The following NKAIN2 variants were observed in gnomAD, a reference collection of about 807,000 sequenced individuals.
The protein encoded by NKAIN2 is sodium/potassium transporting ATPase interacting 2.
A neutral mutation model predicts 32.6 loss-of-function variants in NKAIN2; 14 were observed. That is an observed-to-expected ratio of 0.43 (90% CI 0.28 to 0.67). The LOEUF is 0.67. Ranked by LOEUF, NKAIN2 falls within the 30% of genes least tolerant of loss-of-function variation. NKAIN2 has a pLI of 0.17. For synonymous variants in NKAIN2, 80 were observed against 87.2 expected (o/e 0.92, Z 0.46); for missense variants, 198 against 258.3 (o/e 0.77, Z 1.60).
At chr6:123,898,159 C>T (rs1774375222) in intron 1 of NKAIN2, among the ~76,000 whole-genome samples, 3 of 152,110 alleles carry the variant, frequency 2.0e-5, no homozygotes, top group Admixed American at 6.6e-5. Flanking sequence ...AGGCCACTGG[C>T]GGACACTGAT....
intron 3 of NKAIN2, among the ~76,000 whole-genome samples, chr6:124,355,748 TAATGGGCTTTGGTTGAATGAA>T (rs140441285): frequency 0.14 from 21,210 of 152,138 alleles, 1,610 homozygotes; most frequent in African/African-American, 0.2. Flanking sequence ...TTGAAACAGT[TAATGGGCTTTGGTTGAATGAA>T]ATTGTTACTA....
intron 1 of NKAIN2, among the ~76,000 whole-genome samples, chr6:124,136,734 A>G (rs1786811514): frequency 6.6e-6 from 1 of 152,192 alleles, no homozygotes; most frequent in African/African-American, 2.4e-5. Context: ...TACATCACAT[A>G]AACAGAATTA....
intron 3 of NKAIN2, 131 bp from the exon 4 acceptor site, chr6:124,658,055 C>T (rs1390689547): frequency 1.6e-6 from 1 of 644,122 alleles, no homozygotes; most frequent in Non-Finnish European, 2.6e-6. Flanking sequence ...CTGTAAAATA[C>T]AGCATGGGGT....
In NKAIN2 at chr6:124,753,755, A is replaced by C. The variant is rs572605745; in HGVS notation, c.475-37584A>C. On this transcript the variant is annotated intron_variant, in intron 4 of 6. Coordinates refer to ENST00000368417, the MANE Select transcript of NKAIN2 (RefSeq NM_001040214.3). Reference sequence around the variant, plus strand: ...AGTGTGACTTCAGAGGAGAAGCTGGAATTGTTTATTGTTGCCCCAGGGAGG... The same window carrying C: ...AGTGTGACTTCAGAGGAGAAGCTGGCATTGTTTATTGTTGCCCCAGGGAGG... Among the ~76,000 whole-genome samples, 93 of 152,130 alleles carry C rather than the reference A, an allele frequency of 6.1e-4. 1 individual carries two copies. The highest frequency in any genetic ancestry group is 2.2e-3 in the African/African-American group (92 of 41,536).
At chr6:123,842,383 C>T (rs563052017) in intron 1 of NKAIN2, among the ~76,000 whole-genome samples, 28 of 152,180 alleles carry the variant, frequency 1.8e-4, no homozygotes, top group Non-Finnish European at 2.9e-5. Context: ...AGTAAAAGTA[C>T]TCTCATGCCT....
At chr6:124,678,178 G>A (rs1013328683) in intron 4 of NKAIN2, among the ~76,000 whole-genome samples, 1 of 152,002 alleles carries the variant, frequency 6.6e-6, no homozygotes, top group African/African-American at 2.4e-5. Flanking sequence ...ATTATCATGT[G>A]TCTCAATGTG....
chr6:123,807,085 CTG>C (rs1224200883), intron 1 of NKAIN2, among the ~76,000 whole-genome samples: 1 of 151,962 alleles, frequency 6.6e-6, no homozygotes, highest in Non-Finnish European at 1.5e-5. Flanking sequence ...AATTCTATAT[CTG>C]TGCTTTAAAT....
intron 3 of NKAIN2, among the ~76,000 whole-genome samples, chr6:124,475,050 T>G (rs1283347373): frequency 6.6e-6 from 1 of 151,666 alleles, no homozygotes; most frequent in Non-Finnish European, 1.5e-5. Context: ...GGATATAAAG[T>G]AATGCATTGG....
intron 1 of NKAIN2, among the ~76,000 whole-genome samples, chr6:124,083,033 A>G (rs1302922417): frequency 1.3e-5 from 2 of 152,012 alleles, no homozygotes; most frequent in African/African-American, 2.4e-5. Context: ...TAGAAAACAT[A>G]GACTGCTTTT....
intron 1 of NKAIN2, among the ~76,000 whole-genome samples, chr6:124,040,974 A>T (rs1242533967): frequency 6.6e-6 from 1 of 152,020 alleles, no homozygotes; most frequent in Admixed American, 6.6e-5. Flanking sequence ...CTTACACTCT[A>T]TGTTGTACAA....
chr6:124,426,622 G>A (rs946466488), intron 3 of NKAIN2, among the ~76,000 whole-genome samples: 1 of 152,140 alleles, frequency 6.6e-6, no homozygotes, highest in South Asian at 2.1e-4. Context: ...AATGTACATG[G>A]CTAAAATATT....
At chr6:124,767,782 C>T (rs1325784260) in intron 4 of NKAIN2, among the ~76,000 whole-genome samples, 2 of 152,152 alleles carry the variant, frequency 1.3e-5, no homozygotes, top group Non-Finnish European at 2.9e-5. Context: ...TTTAGCTGAT[C>T]CACACTGCAC....
At chr6:124,498,847 C>T (rs959655489) in intron 3 of NKAIN2, among the ~76,000 whole-genome samples, 5 of 152,074 alleles carry the variant, frequency 3.3e-5, no homozygotes, top group Admixed American at 2.6e-4. Context: ...CACTAAAGTT[C>T]TGCTAAAACA....
rs1050781855 is a variant in NKAIN2 at position 124,426,187 on chromosome 6, G to A, written c.273+70840G>A. On this transcript the variant is annotated intron_variant, in intron 3 of 6. Coordinates refer to ENST00000368417, the MANE Select transcript of NKAIN2 (RefSeq NM_001040214.3). ...TAATATGACTTTATATTTCTTCTAC[G>A]GAAAGGTGTAGTCTATGTCCCTACT... is the stretch of plus-strand genomic sequence containing the variant. Among the ~76,000 whole-genome samples the A allele has an allele frequency of 3.9e-5, 6 of 152,062 alleles. No individual in the cohort carries two copies. In the East Asian group the frequency reaches 7.7e-4, roughly 20 times the overall value.
At chr6:124,451,336 A>G (rs1776099586) in intron 3 of NKAIN2, among the ~76,000 whole-genome samples, 1 of 152,148 alleles carries the variant, frequency 6.6e-6, no homozygotes, top group African/African-American at 2.4e-5. Context: ...TCACTAATAT[A>G]TCCACAGGGT....
chr6:124,692,233 C>T (rs773183119), intron 4 of NKAIN2, among the ~76,000 whole-genome samples: 4 of 152,066 alleles, frequency 2.6e-5, no homozygotes, highest in African/African-American at 7.2e-5. Flanking sequence ...ATTTTCATAA[C>T]GGCTAAAAGT....
At chr6:124,511,354 T>C (rs1411586690) in intron 3 of NKAIN2, among the ~76,000 whole-genome samples, 1 of 152,208 alleles carries the variant, frequency 6.6e-6, no homozygotes, top group Non-Finnish European at 1.5e-5. Flanking sequence ...TTCTGAGAGC[T>C]GATTGTGCCC....
At chr6:123,839,058 A>G (rs1045321166) in intron 1 of NKAIN2, among the ~76,000 whole-genome samples, 1 of 152,160 alleles carries the variant, frequency 6.6e-6, no homozygotes, top group Non-Finnish European at 1.5e-5. Context: ...GAACAGCTCA[A>G]GAACAGAGGG....
intron 2 of NKAIN2, among the ~76,000 whole-genome samples, chr6:124,324,422 T>A (rs2115033535): frequency 6.6e-6 from 1 of 152,316 alleles, no homozygotes; most frequent in Admixed American, 6.5e-5. Context: ...TATATAGGAA[T>A]AAAATATAAT....
Sources: allele counts gnomAD v4.1 joint callset (sites outside exome capture counted in the v4.1 genomes callset), GRCh38; gene constraint gnomAD v4.1.1; transcripts MANE v1.5; gene names NCBI Gene and HGNC (gene_info 2026-07-23, HGNC 2026-07-21).